The following LASP1 variants were observed in gnomAD, a reference collection of about 807,000 sequenced individuals.
LASP1 encodes LIM and SH3 protein 1.
Under a neutral mutation model 38.6 loss-of-function variants are expected in LASP1, and 10 were observed. The ratio of observed to expected loss-of-function variants is 0.26; its 90% confidence interval spans 0.16 to 0.44. The LOEUF (loss-of-function observed/expected upper bound fraction) is 0.44. Among genes scored for constraint, LASP1 ranks in the 20% least tolerant of loss-of-function variants. LASP1 has a pLI of 1.00. For missense variants in LASP1, 243 were observed against 375.7 expected (o/e 0.65, Z 2.92); for synonymous variants, 132 against 140.8 (o/e 0.94, Z 0.44).
chr17:38,887,867 C>T (rs1914188781), intron 2 of LASP1, among the ~76,000 whole-genome samples: 1 of 152,182 alleles, frequency 6.6e-6, no homozygotes, highest in Non-Finnish European at 1.5e-5. Flanking sequence ...TGATGCACGG[C>T]CATGTGGGCG....
intron 3 of LASP1, among the ~76,000 whole-genome samples, chr17:38,892,664 C>A (rs891751949): frequency 1.3e-5 from 2 of 152,128 alleles, no homozygotes; most frequent in South Asian, 4.1e-4. Flanking sequence ...GCTCTTTTTG[C>A]CCCGGCACCC....
chr17:38,890,561 G>A, intron 3 of LASP1, 57 bp downstream of exon 3: 1 of 1,517,100 alleles, frequency 6.6e-7, no homozygotes, highest in East Asian at 2.3e-5. Flanking sequence ...GAGGGAAGTT[G>A]TAAGGTCGGC....
intron 4 of LASP1, among the ~76,000 whole-genome samples, chr17:38,911,787 C>T (rs928449748): frequency 6.7e-6 from 1 of 149,764 alleles, no homozygotes; most frequent in African/African-American, 2.5e-5. Context: ...TATGACTTGT[C>T]TTTTTTTTTT....
At chr17:38,875,084 TGTGTGA>T (rs796436700) in intron 1 of LASP1, among the ~76,000 whole-genome samples, 193 of 149,144 alleles carry the variant, frequency 1.3e-3, no homozygotes, top group African/African-American at 2.2e-3. Context: ...TGTGTGTGTG[TGTGTGA>T]GAAAGTGGGT....
rs561743713 is a variant in LASP1, at chr17:38,886,987, G to A, written c.165-3433G>A. Among the ~76,000 whole-genome samples, 70 of 152,302 alleles carry A rather than the reference G, an allele frequency of 4.6e-4. No individual in the cohort carries two copies. The South Asian group carries it at 0.014, about 31-fold the overall frequency. On this transcript the variant is annotated intron_variant, in intron 2 of 6. Transcript: ENST00000318008. Reference sequence around the variant, plus strand: ...TGGCTCAAGAAATCTGCCCTCCTTGGCCTCCCAAACTGCTGGGATTACAGG... The same window carrying A: ...TGGCTCAAGAAATCTGCCCTCCTTGACCTCCCAAACTGCTGGGATTACAGG...
intron 4 of LASP1, among the ~76,000 whole-genome samples, chr17:38,913,891 G>A (rs1049381817): frequency 9.0e-4 from 136 of 151,898 alleles, no homozygotes; most frequent in African/African-American, 3.1e-3. Context: ...AATCCCAGCC[G>A]CCCAGGAGGC....
chr17:38,877,803 A>C (rs773268216), intron 1 of LASP1, among the ~76,000 whole-genome samples: 34 of 152,264 alleles, frequency 2.2e-4, no homozygotes, highest in Non-Finnish European at 4.3e-4. Flanking sequence ...GGCTGCTGCC[A>C]CTGCTATAAC....
At chr17:38,901,782 T>C (rs1351988147) in intron 4 of LASP1, among the ~76,000 whole-genome samples, 3 of 152,116 alleles carry the variant, frequency 2.0e-5, no homozygotes, top group Non-Finnish European at 4.4e-5. Flanking sequence ...TTTTATTTTT[T>C]TGAGACGGAG....
intron 3 of LASP1, 56 bp from the exon 4 acceptor site, chr17:38,898,356 C>A: frequency 7.4e-7 from 1 of 1,345,340 alleles, no homozygotes; most frequent in Non-Finnish European, 1.0e-6. Flanking sequence ...GGGCCCCAAG[C>A]CGAGGCCCTT....
rs781277345 is a variant in LASP1 at position 38,919,420 on chromosome 17, C to T, written c.*642C>T. 1 of 240,286 alleles carries T rather than the reference C, an allele frequency of 4.2e-6. No homozygotes were observed. Among genetic ancestry groups the T allele is most frequent in the Non-Finnish European group, 8.2e-6 (1 of 121,626 alleles). 14.9% of individuals were successfully genotyped at this position (240,286 alleles called of 1,614,324 possible). The stretch of plus-strand genomic sequence containing the variant: ...GTTCCTTCGCACACTGTGATTTTGC[C>T]CTCCTGCCCACGCAGACCTGCAGCG... On this transcript the variant is annotated 3_prime_UTR_variant, in exon 7 of 7. Transcript: ENST00000318008.
At chr17:38,908,945 G>A (rs1209644944) in intron 4 of LASP1, among the ~76,000 whole-genome samples, 1 of 152,260 alleles carries the variant, frequency 6.6e-6, no homozygotes, top group Non-Finnish European at 1.5e-5. Context: ...GCCCTGATGG[G>A]GCAGGGGCGT....
chr17:38,870,635 C>G (rs1490677808), intron 1 of LASP1, among the ~76,000 whole-genome samples: 2 of 149,130 alleles, frequency 1.3e-5, no homozygotes, highest in African/African-American at 5.0e-5. Flanking sequence ...CGCTCTGCGC[C>G]GAGCGCCAAG....
chr17:38,910,681 C>T (rs1409023570), intron 4 of LASP1, among the ~76,000 whole-genome samples: 6 of 151,054 alleles, frequency 4.0e-5, no homozygotes, highest in East Asian at 1.9e-4. Context: ...CCCCAGAACC[C>T]GCATTCTAAC....
intron 4 of LASP1, among the ~76,000 whole-genome samples, chr17:38,902,984 T>C (rs1192097934): frequency 2.6e-5 from 4 of 152,212 alleles, no homozygotes. Context: ...ATTACAGGTG[T>C]GAGCCACTGT....
At chr17:38,872,984 T>C (rs997063774) in intron 1 of LASP1, among the ~76,000 whole-genome samples, 1 of 152,210 alleles carries the variant, frequency 6.6e-6, no homozygotes, top group African/African-American at 2.4e-5. Context: ...CTTCTGGGAT[T>C]AGAGCTGGGG....
intron 4 of LASP1, chr17:38,898,887 C>T (rs1238738474): frequency 2.5e-6 from 1 of 393,460 alleles, no homozygotes; most frequent in Non-Finnish European, 5.1e-6. Flanking sequence ...ACCTGGCCTC[C>T]CCTGGTCTGC....
chr17:38,901,011 G>T (rs1914627063), intron 4 of LASP1, among the ~76,000 whole-genome samples: 1 of 152,246 alleles, frequency 6.6e-6, no homozygotes, highest in Non-Finnish European at 1.5e-5. Context: ...GGAAAACCCG[G>T]AATGGTTCAC....
At chr17:38,906,235 A>T (rs1249056221) in intron 4 of LASP1, among the ~76,000 whole-genome samples, 2 of 151,940 alleles carry the variant, frequency 1.3e-5, no homozygotes, top group Non-Finnish European at 1.5e-5. Context: ...CTGGCTGAGG[A>T]AAGGAAATGA....
intron 2 of LASP1, among the ~76,000 whole-genome samples, chr17:38,888,317 C>T (rs1287260147): frequency 2.6e-5 from 4 of 151,648 alleles, no homozygotes; most frequent in South Asian, 2.1e-4. Context: ...GTCTTGCTCT[C>T]GCCCAGACTA....
Sources: gnomAD v4.1 joint callset for allele counts (sites outside exome capture counted in the v4.1 genomes callset) on GRCh38, gnomAD v4.1.1 for gene constraint, MANE v1.5 for transcripts, NCBI Gene and HGNC (gene_info 2026-07-23, HGNC 2026-07-21) for gene names.